Variants in CSMD3 observed in about 807,000 individuals in gnomAD.
CSMD3 encodes the protein CUB and sushi domain-containing protein 3.
A neutral mutation model predicts 435.2 loss-of-function variants in CSMD3; 177 were observed. The observed-to-expected ratio is 0.41, with a 90% CI of 0.36 to 0.46. CSMD3 has a LOEUF of 0.46. Among genes scored for constraint, CSMD3 ranks in the 20% least tolerant of loss-of-function variants. The probability of loss-of-function intolerance (pLI) is 0.34; values close to 1 mark genes in which losing one functional copy is unlikely to be tolerated. For synonymous variants in CSMD3, 1,656 were observed against 1,520.5 expected, an observed-to-expected ratio of 1.09 and a Z score of -2.07; for missense variants, 4,265 against 4,504.6, an observed-to-expected ratio of 0.95 and a Z score of 1.52.
chr8:112,557,475 T>C (rs1206452871), intron 24 of CSMD3, among the ~76,000 whole-genome samples: 1 of 151,958 alleles, frequency 6.6e-6, no homozygotes, highest in Non-Finnish European at 1.5e-5. Context: ...TAGAAGGTTG[T>C]GTTGGAACTT....
rs139214141 is a variant in CSMD3, at chr8:113,436,808, G to A, written c.47C>T (p.Pro16Leu). ...GCATCTTCGCTTGCCAGGCTCCCAG[G>A]GTTTGGATTCCTTTGCTCGGCTTTC... The part of the protein sequence containing the change: ...KGESRAKESK[P>L]WEPGKRRCAK... Residue 16 changes from proline (P) to leucine (L), a missense_variant, in exon 1 of 71, where the codon CCC (proline) becomes CTC (leucine). Pro to Leu is a moderately conservative substitution (Grantham distance 98). This residue lies in a region of CSMD3 where 731 missense variants were observed against 755.4 expected (regional missense o/e 0.97). Transcript: ENST00000297405. 284 of 1,614,112 alleles carry A rather than the reference G, an allele frequency of 1.8e-4. No homozygotes were observed. In the African/African-American group the frequency reaches 2.8e-3, roughly 16 times the overall value.
intron 1 of CSMD3, among the ~76,000 whole-genome samples, chr8:113,348,797 T>G (rs1370923600): frequency 6.6e-6 from 1 of 152,112 alleles, no homozygotes; most frequent in African/African-American, 2.4e-5. Context: ...TCCTCTTCTA[T>G]TTTAGGCTTA....
intron 22 of CSMD3, among the ~76,000 whole-genome samples, chr8:112,613,748 C>T (rs1319116257): frequency 1.3e-5 from 2 of 152,052 alleles, no homozygotes; most frequent in Non-Finnish European, 2.9e-5. Flanking sequence ...AAAAAAAGAG[C>T]AAGAAAGATA....
At chr8:112,980,746 C>T (rs533648039) in intron 6 of CSMD3, among the ~76,000 whole-genome samples, 1 of 151,576 alleles carries the variant, frequency 6.6e-6, no homozygotes, top group South Asian at 2.1e-4. Context: ...TGATTTGTTA[C>T]ATTTTTAAAA....
At chr8:112,754,891 C>G (rs1013976092) in intron 13 of CSMD3, among the ~76,000 whole-genome samples, 4 of 152,092 alleles carry the variant, frequency 2.6e-5, no homozygotes, top group African/African-American at 9.7e-5. Flanking sequence ...ACATGTTTAC[C>G]CCCTCCACAA....
At chr8:113,387,183 G>A (rs1452372714) in intron 1 of CSMD3, among the ~76,000 whole-genome samples, 5 of 151,698 alleles carry the variant, frequency 3.3e-5, no homozygotes, top group African/African-American at 9.7e-5. Flanking sequence ...TCATTGTTAA[G>A]GATCCAACAG....
intron 22 of CSMD3, among the ~76,000 whole-genome samples, chr8:112,633,204 A>T (rs2074564646): frequency 6.6e-6 from 1 of 152,052 alleles, no homozygotes; most frequent in Non-Finnish European, 1.5e-5. Flanking sequence ...TAAATGGATT[A>T]TGGTTGAAGA....
intron 54 of CSMD3, among the ~76,000 whole-genome samples, chr8:112,293,615 A>C (rs2130698448): frequency 6.6e-6 from 1 of 152,254 alleles, no homozygotes; most frequent in African/African-American, 2.4e-5. Flanking sequence ...TTGATAATAT[A>C]ATTTTTCTTG....
chr8:112,618,673 A>G, intron 22 of CSMD3, among the ~76,000 whole-genome samples: 1 of 55,294 alleles, frequency 1.8e-5, no homozygotes, highest in Non-Finnish European at 3.5e-5. Flanking sequence ...AATGAGGAGT[A>G]AGGACCAACC....
At chr8:112,346,023 T>C (rs1402497596) in intron 41 of CSMD3, 74 bp downstream of exon 41, 1 of 873,980 alleles carries the variant, frequency 1.1e-6, no homozygotes, top group African/African-American at 1.7e-5. Context: ...AAATTCTTAT[T>C]CGACATTGAA....
At chr8:113,041,216 A>AGG (rs1342276332) in intron 5 of CSMD3, among the ~76,000 whole-genome samples, 154 of 23,736 alleles carry the variant, frequency 6.5e-3, no homozygotes, top group African/African-American at 0.022. Flanking sequence ...AAAAAAAAAA[A>AGG]AGGGGGGGGT....
At chr8:113,243,882 T>C (rs552058599) in intron 3 of CSMD3, among the ~76,000 whole-genome samples, 1 of 152,316 alleles carries the variant, frequency 6.6e-6, no homozygotes, top group South Asian at 2.1e-4. Flanking sequence ...GTTTATGTGC[T>C]TATTGGTTAT....
At chr8:112,748,852 A>G (rs763363150) in intron 13 of CSMD3, among the ~76,000 whole-genome samples, 12 of 152,172 alleles carry the variant, frequency 7.9e-5, no homozygotes, top group Non-Finnish European at 1.8e-4. Context: ...CTGGATATAT[A>G]CCCAGTAATG....
At chr8:112,592,499 T>A (rs909194395) in intron 22 of CSMD3, among the ~76,000 whole-genome samples, 2 of 152,070 alleles carry the variant, frequency 1.3e-5, no homozygotes, top group African/African-American at 4.8e-5. Context: ...CTTTTTCCCC[T>A]TAAACATTTG....
intron 24 of CSMD3, among the ~76,000 whole-genome samples, chr8:112,571,581 A>T (rs1829518825): frequency 6.6e-6 from 1 of 151,672 alleles, no homozygotes; most frequent in African/African-American, 2.4e-5. Flanking sequence ...GACAAGCAGA[A>T]ATGCAGGCTG....
intron 4 of CSMD3, among the ~76,000 whole-genome samples, chr8:113,100,417 C>A (rs1014356788): frequency 6.6e-6 from 1 of 152,050 alleles, no homozygotes; most frequent in East Asian, 1.9e-4. Context: ...CACTTCTATT[C>A]TTTCCCTTCT....
intron 23 of CSMD3, among the ~76,000 whole-genome samples, chr8:112,575,607 G>C (rs1829876285): frequency 6.6e-6 from 1 of 152,070 alleles, no homozygotes; most frequent in Non-Finnish European, 1.5e-5. Flanking sequence ...ATGCAAATAA[G>C]TTTCTGTTTT....
At chr8:112,719,463 G>A (rs66873319) in intron 13 of CSMD3, among the ~76,000 whole-genome samples, 50,548 of 151,914 alleles carry the variant, frequency 0.33, 9,274 homozygotes, top group African/African-American at 0.5. Context: ...CTAAGATCGG[G>A]GTGCTGGCAG....
rs908224183 is a variant in CSMD3, at chr8:113,109,417, C to A, written c.710-10454G>T. The stretch of plus-strand genomic sequence containing the variant: ...CCCTCTGACTGTGAACCTCTGAAAT[C>A]AAAAATGATATCTGCTTCTAAAATA... On this transcript the variant is annotated intron_variant, in intron 4 of 70. Coordinates refer to ENST00000297405, the MANE Select transcript of CSMD3 (RefSeq NM_198123.2). Among the ~76,000 whole-genome samples the A allele has an allele frequency of 4.6e-5, 7 of 152,162 alleles. No homozygotes were observed. In the East Asian group the frequency reaches 1.4e-3, roughly 29 times the overall value.
Sources: gnomAD v4.1 joint callset for allele counts (sites outside exome capture counted in the v4.1 genomes callset) on GRCh38, gnomAD v4.1.1 for gene constraint, gnomAD v4.1.1 regional missense constraint, MANE v1.5 for transcripts, NCBI Gene and HGNC (gene_info 2026-07-23, HGNC 2026-07-21) for gene names.